PLA2G4A: variants seen among roughly 807,000 people sequenced by gnomAD.
PLA2G4A encodes the protein phospholipase A2 group IVA.
Under a neutral mutation model 81.9 loss-of-function variants are expected in PLA2G4A, and 40 were observed. The ratio of observed to expected loss-of-function variants is 0.49; its 90% CI spans 0.38 to 0.64. PLA2G4A has a LOEUF of 0.64. PLA2G4A is among the 30% of genes least tolerant of loss of function. The pLI, the probability that PLA2G4A is intolerant of heterozygous loss-of-function variation, is 0.00. For missense variants in PLA2G4A, 715 were observed against 905.1 expected, an observed-to-expected ratio of 0.79 and a Z score of 2.69; for synonymous variants, 302 against 296.9, an observed-to-expected ratio of 1.02 and a Z score of -0.18.
At chr1:186,955,521 G>A (rs1161738248) in intron 13 of PLA2G4A, among the ~76,000 whole-genome samples, 1 of 152,018 alleles carries the variant, frequency 6.6e-6, no homozygotes, top group Non-Finnish European at 1.5e-5. Context: ...AGGGAAGGGG[G>A]AACATGAAAG....
intron 2 of PLA2G4A, among the ~76,000 whole-genome samples, chr1:186,867,826 A>G (rs1159329683): frequency 6.6e-6 from 1 of 152,112 alleles, no homozygotes; most frequent in Non-Finnish European, 1.5e-5. Context: ...GACATTAATT[A>G]TAGGTTTTTT....
chr1:186,921,185 G>A (rs1253311252), intron 7 of PLA2G4A, among the ~76,000 whole-genome samples: 1 of 151,914 alleles, frequency 6.6e-6, no homozygotes, highest in Non-Finnish European at 1.5e-5. Flanking sequence ...TCCCATTGGG[G>A]GTCTGTTCCT....
chr1:186,979,943 C>CTTTTTTT (rs34029312), intron 17 of PLA2G4A, among the ~76,000 whole-genome samples: 31 of 98,792 alleles, frequency 3.1e-4, no homozygotes, highest in Non-Finnish European at 4.1e-4. Context: ...ACAGCATTTC[C>CTTTTTTT]TTTTTTTTTT....
At chr1:186,952,930 T>G (rs1656616260) in intron 13 of PLA2G4A, among the ~76,000 whole-genome samples, 1 of 152,202 alleles carries the variant, frequency 6.6e-6, no homozygotes, top group Admixed American at 6.5e-5. Context: ...TGTGCCACAG[T>G]TTAGTTATTC....
At chr1:186,987,246 A>G (rs12131989) in intron 17 of PLA2G4A, among the ~76,000 whole-genome samples, 33,837 of 152,198 alleles carry the variant, frequency 0.22, 3,916 homozygotes, top group South Asian at 0.28. Context: ...TGCACGTGGT[A>G]ATGGGAGAAT....
intron 17 of PLA2G4A, among the ~76,000 whole-genome samples, chr1:186,985,191 T>C (rs1345279781): frequency 6.6e-6 from 1 of 152,216 alleles, no homozygotes; most frequent in Non-Finnish European, 1.5e-5. Flanking sequence ...GAATGCCCAG[T>C]CTTCTGCTCC....
intron 3 of PLA2G4A, among the ~76,000 whole-genome samples, chr1:186,878,342 TTA>T (rs1252073849): frequency 1.4e-5 from 2 of 145,770 alleles, no homozygotes; most frequent in African/African-American, 5.0e-5. Context: ...CTGATATATT[TTA>T]TATATATATA....
At chr1:186,849,654 C>A (rs1435612750) in intron 1 of PLA2G4A, among the ~76,000 whole-genome samples, 4 of 152,156 alleles carry the variant, frequency 2.6e-5, no homozygotes, top group African/African-American at 9.6e-5. Context: ...CCTCACTCTG[C>A]ATGGCTAGCT....
At position 186,979,341 on chromosome 1, in the gene PLA2G4A, A is replaced by G; in HGVS notation, c.1987A>G (p.Lys663Glu). Residue 663 changes from lysine to glutamate, a missense_variant, in exon 17 of 18, where the codon AAA becomes GAA. Physicochemically the swap from Lys to Glu is moderately conservative, Grantham distance 56. Coordinates refer to ENST00000367466, the MANE Select transcript of PLA2G4A (RefSeq NM_024420.3). ...PGVPRETEEEKEIADFDIFDD... is the reference protein window; with the variant it reads ...PGVPRETEEEEEIADFDIFDD... The stretch of plus-strand genomic sequence containing the variant: ...TGTTCCAAGGGAAACTGAGGAAGAG[A>G]AAGAAATCGCTGACTTTGATATTTT... 6.2e-7 allele frequency: 1 copy of G among 1,612,694 alleles called. No individual in the cohort carries two copies. The highest frequency in any genetic ancestry group is 8.5e-7 in the Non-Finnish European group (1 of 1,178,662).
At chr1:186,886,293 C>A (rs534804188) in intron 3 of PLA2G4A, among the ~76,000 whole-genome samples, 1 of 152,158 alleles carries the variant, frequency 6.6e-6, no homozygotes, top group East Asian at 1.9e-4. Context: ...TTTATGTGAC[C>A]ACTTGATTAA....
At chr1:186,830,594 GC>G (rs1651512931) in intron 1 of PLA2G4A, among the ~76,000 whole-genome samples, 1 of 107,352 alleles carries the variant, frequency 9.3e-6, no homozygotes, top group South Asian at 2.9e-4. Context: ...AGCGAAAACA[GC>G]GAAGCTCTGT....
chr1:186,868,046 C>T (rs956317504), intron 2 of PLA2G4A, among the ~76,000 whole-genome samples: 10 of 150,452 alleles, frequency 6.6e-5, no homozygotes, highest in Non-Finnish European at 1.5e-4. Flanking sequence ...CTGACATAAA[C>T]CCCGCTTGGT....
chr1:186,853,443 GT>G (rs1652446633), intron 1 of PLA2G4A, among the ~76,000 whole-genome samples: 2 of 151,562 alleles, frequency 1.3e-5, no homozygotes, highest in Admixed American at 1.3e-4. Flanking sequence ...TAAAGTTGAT[GT>G]TTAAAAAGAA....
At chr1:186,957,267 G>A (rs963301038) in intron 14 of PLA2G4A, among the ~76,000 whole-genome samples, 1 of 152,206 alleles carries the variant, frequency 6.6e-6, no homozygotes, top group Non-Finnish European at 1.5e-5. Context: ...GGGATTTAAA[G>A]AAGGGAATTA....
intron 1 of PLA2G4A, among the ~76,000 whole-genome samples, chr1:186,837,402 T>G (rs1227434482): frequency 2.0e-5 from 3 of 151,912 alleles, no homozygotes; most frequent in Non-Finnish European, 4.4e-5. Flanking sequence ...ACAGACAGAC[T>G]GTAACAAGTT....
At chr1:186,859,067 A>G (rs1023614632) in intron 2 of PLA2G4A, among the ~76,000 whole-genome samples, 7 of 152,304 alleles carry the variant, frequency 4.6e-5, no homozygotes, top group Admixed American at 4.6e-4. Context: ...GAATCAAGCC[A>G]GCTTACTATT....
intron 3 of PLA2G4A, among the ~76,000 whole-genome samples, chr1:186,890,223 A>G (rs1169011729): frequency 6.6e-6 from 1 of 152,156 alleles, no homozygotes; most frequent in Admixed American, 6.5e-5. Flanking sequence ...TAAATATTGT[A>G]ATTGTCGCTT....
rs1381969232 is a variant in PLA2G4A, at chr1:186,939,248, C to A, written c.918+18C>A. ...TTCATAATGTAAGTTACAGTTCAATCTACACTGCTTTTATAACAAGTAGAC... is the reference window on the plus strand; with the variant it reads ...TTCATAATGTAAGTTACAGTTCAATATACACTGCTTTTATAACAAGTAGAC... On this transcript the variant is annotated intron_variant, in intron 9 of 17. Transcript: ENST00000367466. The A allele has an allele frequency of 1.8e-6, 2 of 1,096,072 alleles. No individual in the cohort carries two copies. The highest frequency in any genetic ancestry group is 1.5e-5 in the African/African-American group (1 of 65,474). 67.9% of individuals were successfully genotyped at this position (1,096,072 alleles called of 1,614,324 possible).
At chr1:186,868,449 G>A (rs1194890510) in intron 2 of PLA2G4A, among the ~76,000 whole-genome samples, 3 of 152,164 alleles carry the variant, frequency 2.0e-5, no homozygotes, top group African/African-American at 4.8e-5. Context: ...TGGCAAGTAT[G>A]TTCATGAGAA....
Sources: gnomAD v4.1 joint callset for allele counts (sites outside exome capture counted in the v4.1 genomes callset) on GRCh38, gnomAD v4.1.1 for gene constraint, MANE v1.5 for transcripts, NCBI Gene and HGNC (gene_info 2026-07-23, HGNC 2026-07-21) for gene names.